Variants in TMC7 observed in about 807,000 individuals in gnomAD.
The protein encoded by TMC7 is transmembrane channel-like protein 7.
A neutral mutation model predicts 82.9 loss-of-function variants in TMC7; 54 were observed. That is an observed-to-expected ratio of 0.65 (90% CI 0.52 to 0.82). TMC7 has a LOEUF of 0.82. TMC7 is among the 40% of genes least tolerant of loss of function. The probability of loss-of-function intolerance (pLI) is 0.00; values close to 1 mark genes in which losing one functional copy is unlikely to be tolerated. For synonymous variants in TMC7, 350 were observed against 337.9 expected, an observed-to-expected ratio of 1.04 and a Z score of -0.39; for missense variants, 820 against 901.2, an observed-to-expected ratio of 0.91 and a Z score of 1.15.
chr16:19,053,689 C>T (rs1961641112), intron 13 of TMC7, among the ~76,000 whole-genome samples: 1 of 152,140 alleles, frequency 6.6e-6, no homozygotes, highest in Non-Finnish European at 1.5e-5. Flanking sequence ...AGGCGTGAGC[C>T]ACTGTGCTCG....
chr16:19,011,424 C>T (rs1036214231), intron 2 of TMC7, among the ~76,000 whole-genome samples: 1 of 151,806 alleles, frequency 6.6e-6, no homozygotes, highest in African/African-American at 2.4e-5. Context: ...ATCACAGCAA[C>T]TTGAGAGGCT....
intron 5 of TMC7, among the ~76,000 whole-genome samples, chr16:19,027,061 C>CTT (rs35769515): frequency 0.61 from 34,374 of 56,306 alleles, 13,959 homozygotes; most frequent in East Asian, 0.85. Flanking sequence ...CACACCTGAC[C>CTT]TTTTTTTTTT....
At chr16:18,986,033 TA>T (rs1323789966) in intron 1 of TMC7, among the ~76,000 whole-genome samples, 27 of 134,222 alleles carry the variant, frequency 2.0e-4, no homozygotes, top group Admixed American at 2.2e-4. Flanking sequence ...ACCCTGTCTC[TA>T]AAAAAAAAAG....
intron 11 of TMC7, 44 bp downstream of exon 11, chr16:19,045,482 T>G (rs553652412): frequency 7.6e-7 from 1 of 1,308,988 alleles, no homozygotes; most frequent in Non-Finnish European, 1.1e-6. Context: ...ACCACACACA[T>G]GCACACACAC....
At chr16:19,016,365 C>T (rs1304831553) in intron 2 of TMC7, 85 bp from the exon 3 acceptor site, 1 of 1,543,632 alleles carries the variant, frequency 6.5e-7, no homozygotes, top group Non-Finnish European at 8.8e-7. Flanking sequence ...GCTGGGATTA[C>T]AGGCGTGAGC....
chr16:18,999,953 C>T (rs79526008), intron 1 of TMC7, among the ~76,000 whole-genome samples: 2,028 of 151,728 alleles, frequency 0.013, 38 homozygotes, highest in African/African-American at 0.044. Flanking sequence ...TTAGTAGAGA[C>T]GGGGTTTCAC....
rs1283921638 is a variant in TMC7, at chr16:19,016,463, A to G, written c.325A>G (p.Thr109Ala). Residue 109 changes from threonine (T) to alanine (A), a missense_variant, in exon 3 of 16, where the codon ACA becomes GCA. By Grantham distance (58) the Thr-to-Ala change is moderately conservative. This residue lies in a region of TMC7 where 650 missense variants were observed against 669.9 expected (regional missense o/e 0.97). Coordinates refer to ENST00000304381, the MANE Select transcript of TMC7 (RefSeq NM_024847.4). ...EKRRLRDIQE[T>A]QMKYLSEWDQ... ...TTTTCCATGCAGGGACATTCAAGAG[A>G]CACAAATGAAGTATCTCTCCGAATG... 1 of 1,614,152 alleles carries G rather than the reference A, an allele frequency of 6.2e-7. No homozygotes were observed. Among genetic ancestry groups the G allele is most frequent in the Admixed American group, 1.7e-5 (1 of 60,016 alleles).
rs558673895 is a variant in TMC7 at position 19,034,966 on chromosome 16, T to C, written c.858-710T>C. 3.3e-4 allele frequency among the ~76,000 whole-genome samples: 50 copies of C among 152,238 alleles called. No homozygotes were observed. In the South Asian group the frequency reaches 9.5e-3, roughly 29 times the overall value. On this transcript the variant is annotated intron_variant, in intron 6 of 15. Coordinates refer to ENST00000304381, the MANE Select transcript of TMC7 (RefSeq NM_024847.4). ...AATGAATCGTTCTACCAAAAAGACA[T>C]ATGCACTCGTATATTCATCACAGTG...
At chr16:19,026,843 C>T (rs1438897549) in intron 5 of TMC7, among the ~76,000 whole-genome samples, 1 of 151,996 alleles carries the variant, frequency 6.6e-6, no homozygotes, top group Admixed American at 6.6e-5. Flanking sequence ...CCCACTGCAA[C>T]CTCTGCCCCC....
chr16:19,056,700 G>A lies in TMC7; in HGVS notation c.2027+3G>A, dbSNP rs1961789268. 1 of 1,613,550 alleles carries A rather than the reference G, an allele frequency of 6.2e-7. No homozygotes were observed. The highest frequency in any genetic ancestry group is 8.5e-7 in the Non-Finnish European group (1 of 1,179,694). On this transcript the variant is annotated splice_donor_region_variant and intron_variant, in intron 14 of 15. Coordinates refer to ENST00000304381, the MANE Select transcript of TMC7 (RefSeq NM_024847.4). ...GTTCCTTTCTTCATGATTATTTGGT[G>A]AGTGAGAACCACCAGGACCCACTGA...
chr16:18,985,612 G>A (rs1179174299), intron 1 of TMC7, among the ~76,000 whole-genome samples: 2 of 151,660 alleles, frequency 1.3e-5, no homozygotes, highest in Non-Finnish European at 2.9e-5. Context: ...TTTGCTAAGT[G>A]TATGAGGGGA....
chr16:19,004,390 A>G (rs2039198283), intron 1 of TMC7, among the ~76,000 whole-genome samples: 1 of 151,972 alleles, frequency 6.6e-6, no homozygotes, highest in Admixed American at 6.6e-5. Flanking sequence ...TTTGGGATGG[A>G]GTCTTGCTCT....
At position 18,983,936 on chromosome 16, in the gene TMC7, T is replaced by A; in HGVS notation, c.-128T>A. ...TCGGCTCCTCGCGGGGGCGCCCCAC[T>A]CCGGCTTCTGTGATGTCAGCGCCGG... On this transcript the variant is annotated 5_prime_UTR_variant, in exon 1 of 16. Coordinates refer to ENST00000304381, the MANE Select transcript of TMC7 (RefSeq NM_024847.4). The A allele has an allele frequency of 9.5e-7, 1 of 1,056,178 alleles. No individual in the cohort carries two copies. Among genetic ancestry groups the A allele is most frequent in the Non-Finnish European group, 1.3e-6 (1 of 799,936 alleles). The allele number at this position is 1,056,178 out of a possible 1,614,324, so 65.4% of individuals were successfully genotyped here.
At chr16:19,053,002 C>T (rs1310194119) in intron 13 of TMC7, among the ~76,000 whole-genome samples, 1 of 152,182 alleles carries the variant, frequency 6.6e-6, no homozygotes, top group African/African-American at 2.4e-5. Flanking sequence ...CATGAGCTAC[C>T]ATGCTTGACC....
intron 9 of TMC7, 72 bp downstream of exon 9, chr16:19,040,518 A>C: frequency 7.1e-7 from 1 of 1,399,594 alleles, no homozygotes; most frequent in Non-Finnish European, 9.8e-7. Flanking sequence ...CCCATGGCAG[A>C]CATCGCTAAT....
At chr16:19,045,208 T>C (rs1431040901) in intron 10 of TMC7, 133 bp from the exon 11 acceptor site, 1 of 857,910 alleles carries the variant, frequency 1.2e-6, no homozygotes, top group African/African-American at 1.7e-5. Flanking sequence ...AGGCTCAGAG[T>C]TTGCATCAGC....
At chr16:18,994,845 T>C (rs2039013219) in intron 1 of TMC7, among the ~76,000 whole-genome samples, 1 of 152,168 alleles carries the variant, frequency 6.6e-6, no homozygotes, top group Non-Finnish European at 1.5e-5. Flanking sequence ...GATAACAGGC[T>C]TTAATCCTTT....
intron 2 of TMC7, among the ~76,000 whole-genome samples, chr16:19,015,378 C>T (rs913610037): frequency 7.9e-5 from 12 of 151,436 alleles, no homozygotes; most frequent in African/African-American, 1.9e-4. Flanking sequence ...CCTCCTGCCT[C>T]AGCCTCCCAA....
At chr16:19,035,894 CA>C in intron 7 of TMC7, 71 bp downstream of exon 7, 1 of 1,502,168 alleles carries the variant, frequency 6.7e-7, no homozygotes, top group Non-Finnish European at 8.9e-7. Context: ...CCTGAGTTTT[CA>C]GCTTGCAGAG....
Sources: allele counts gnomAD v4.1 joint callset (sites outside exome capture counted in the v4.1 genomes callset), GRCh38; gene constraint gnomAD v4.1.1; regional missense constraint gnomAD v4.1.1; transcripts MANE v1.5; gene names NCBI Gene and HGNC (gene_info 2026-07-23, HGNC 2026-07-21).